Variants in ARHGAP11B observed in about 807,000 individuals in gnomAD.
ARHGAP11B encodes the protein inactive Rho GTPase-activating protein 11B.
ARHGAP11B carries 14 observed loss-of-function variants against 27.6 expected under a neutral mutation model. The ratio of observed to expected loss-of-function variants is 0.51; its 90% CI spans 0.34 to 0.79. The LOEUF (loss-of-function observed/expected upper bound fraction) is 0.79, where lower values mean the gene tolerates loss of function less well. ARHGAP11B is among the 30% of genes least tolerant of loss of function. The pLI is 0.02. For synonymous variants in ARHGAP11B, 82 were observed against 114.1 expected (o/e 0.72, Z 1.80); for missense variants, 245 against 320.1 (o/e 0.77, Z 1.79).
intron 5 of ARHGAP11B, 98 bp downstream of exon 5, chr15:30,635,286 G>A (rs1240822282): frequency 6.5e-7 from 1 of 1,530,112 alleles, no homozygotes; most frequent in Middle Eastern, 1.7e-4. Flanking sequence ...TTTAAATGAG[G>A]AAAATCTCTG....
intron 6 of ARHGAP11B, 132 bp from the exon 7 acceptor site, chr15:30,638,614 C>T (rs577734317): frequency 4.2e-6 from 2 of 473,890 alleles, no homozygotes; most frequent in South Asian, 3.1e-5. Context: ...TGAAATAATT[C>T]CTCTTAAATA....
chr15:30,635,625 G>C, exon 6 of ARHGAP11B: 1 of 1,613,492 alleles, frequency 6.2e-7, no homozygotes, highest in Non-Finnish European at 8.5e-7. Context: ...AGAAGACAAC[G>C]TGTAGGAGGT....
At chr15:30,643,368 G>A (rs1032504210) in intron 7 of ARHGAP11B, among the ~76,000 whole-genome samples, 3 of 149,718 alleles carry the variant, frequency 2.0e-5, no homozygotes, top group African/African-American at 7.4e-5. Context: ...AACCTCTGCC[G>A]ACCGGGTTCA....
intron 9 of ARHGAP11B, among the ~76,000 whole-genome samples, chr15:30,646,553 A>C (rs1472833945): frequency 1.3e-5 from 2 of 151,912 alleles, no homozygotes; most frequent in African/African-American, 4.8e-5. Flanking sequence ...TTAAAAAAAT[A>C]TATAGGCTGA....
At chr15:30,647,961 C>G (rs184614726) in intron 10 of ARHGAP11B, among the ~76,000 whole-genome samples, 25 of 151,936 alleles carry the variant, frequency 1.6e-4, no homozygotes, top group African/African-American at 4.8e-4. Flanking sequence ...ATTAACTGTT[C>G]TTGTTTTTTT....
At chr15:30,639,575 G>A (rs1036928259) in intron 7 of ARHGAP11B, among the ~76,000 whole-genome samples, 1 of 151,980 alleles carries the variant, frequency 6.6e-6, no homozygotes, top group Non-Finnish European at 1.5e-5. Context: ...TGTCAACTCT[G>A]CAGTAGAAGC....
intron 7 of ARHGAP11B, among the ~76,000 whole-genome samples, chr15:30,642,600 A>G (rs1445623117): frequency 6.6e-6 from 1 of 151,936 alleles, no homozygotes; most frequent in Non-Finnish European, 1.5e-5. Flanking sequence ...TGTACTAGAT[A>G]CTGACTAAAT....
At chr15:30,631,440 C>G (rs566743223) in intron 2 of ARHGAP11B, among the ~76,000 whole-genome samples, 5 of 152,042 alleles carry the variant, frequency 3.3e-5, no homozygotes, top group Non-Finnish European at 5.9e-5. Flanking sequence ...GCAGGAGGAT[C>G]GCTTGAGCTC....
intron 8 of ARHGAP11B, among the ~76,000 whole-genome samples, chr15:30,645,385 C>T (rs182613164): frequency 1.3e-3 from 204 of 151,640 alleles, no homozygotes; most frequent in African/African-American, 4.7e-3. Context: ...ACCTAATTAC[C>T]GATAAAAACA....
chr15:30,635,065 G>A lies in ARHGAP11B; in HGVS notation c.552-15G>A, dbSNP rs374071695. ...CACGTTTGGCTCCATCTAATAAAGC[G>A]TTTATTCACTTAAGATCCAGTGAGA... On this transcript the variant is annotated splice_polypyrimidine_tract_variant and intron_variant, in intron 4 of 10. Transcript: ENST00000428041. 8.3e-5 allele frequency: 133 copies of A among 1,611,206 alleles called. 3 individuals are homozygous for A. Among genetic ancestry groups the A allele is most frequent in the Non-Finnish European group, 1.0e-4 (121 of 1,177,834 alleles).
chr15:30,632,421 C>T (rs367872062), intron 2 of ARHGAP11B, among the ~76,000 whole-genome samples: 2 of 149,858 alleles, frequency 1.3e-5, no homozygotes, highest in African/African-American at 5.0e-5. Flanking sequence ...GTCTCAAAAA[C>T]TAAAAGAAAA....
At chr15:30,637,546 A>G (rs2060287818) in intron 6 of ARHGAP11B, among the ~76,000 whole-genome samples, 1 of 152,040 alleles carries the variant, frequency 6.6e-6, no homozygotes, top group South Asian at 2.1e-4. Context: ...CATCCTGGCT[A>G]ACACAGTGAA....
intron 1 of ARHGAP11B, among the ~76,000 whole-genome samples, chr15:30,629,411 G>A (rs769662931): frequency 6.6e-6 from 1 of 151,984 alleles, no homozygotes; most frequent in African/African-American, 2.4e-5. Context: ...AAAATTAGCT[G>A]GGCGTGGTGG....
rs2060359177 is a variant in ARHGAP11B at position 30,647,672 on chromosome 15, A to C, written c.*329A>C. 4.0e-5 allele frequency: 8 copies of C among 201,094 alleles called. No homozygotes were observed. In the South Asian group the frequency reaches 6.2e-4, roughly 16 times the overall value. 12.5% of individuals were successfully genotyped at this position (201,094 alleles called of 1,614,324 possible). Reference sequence around the variant, plus strand: ...TATTTAAATTTTTTATTCTAGTTCTAATTGCTAATCCAGTATTTGCGGATA... The same window carrying C: ...TATTTAAATTTTTTATTCTAGTTCTCATTGCTAATCCAGTATTTGCGGATA... On this transcript the variant is annotated 3_prime_UTR_variant, in exon 10 of 11. Transcript: ENST00000428041.
chr15:30,644,588 CAT>C (rs1438071495), intron 7 of ARHGAP11B: 4 of 1,108,270 alleles, frequency 3.6e-6, no homozygotes, highest in Non-Finnish European at 5.5e-6. Flanking sequence ...TATAAGGAGA[CAT>C]ATCAATCTCA....
At chr15:30,646,587 A>G (rs116785404) in intron 9 of ARHGAP11B, among the ~76,000 whole-genome samples, 3,741 of 151,418 alleles carry the variant, frequency 0.025, 147 homozygotes, top group African/African-American at 0.079. Flanking sequence ...CGTGAACCCC[A>G]GGGGCGCGGA....
chr15:30,645,708 T>C (rs114842748), intron 8 of ARHGAP11B, among the ~76,000 whole-genome samples: 3,756 of 152,148 alleles, frequency 0.025, 151 homozygotes, highest in African/African-American at 0.079. Context: ...GTTATTTTTT[T>C]ACAGTGATTT....
At chr15:30,638,431 C>A (rs1434016098) in intron 6 of ARHGAP11B, among the ~76,000 whole-genome samples, 1 of 151,634 alleles carries the variant, frequency 6.6e-6, no homozygotes, top group Admixed American at 6.6e-5. Flanking sequence ...TGCCTCAGTT[C>A]AGACCTTCAT....
chr15:30,643,246 G>T (rs896493363), intron 7 of ARHGAP11B, among the ~76,000 whole-genome samples: 1 of 149,720 alleles, frequency 6.7e-6, no homozygotes, highest in Non-Finnish European at 1.5e-5. Flanking sequence ...GAATTTCTCA[G>T]ACTTTTCTTG....
Sources: allele counts gnomAD v4.1 joint callset (sites outside exome capture counted in the v4.1 genomes callset), GRCh38; gene constraint gnomAD v4.1.1; transcripts MANE v1.5; gene names NCBI Gene and HGNC (gene_info 2026-07-23, HGNC 2026-07-21).